Variants in RFX3 observed in about 807,000 individuals in gnomAD.
RFX3 encodes the protein regulatory factor X3, also known as transcription factor RFX3.
Under a neutral mutation model 98.6 loss-of-function variants are expected in RFX3, and 14 were observed. That is an observed-to-expected ratio of 0.14 (90% CI 0.09 to 0.22). RFX3 has a LOEUF of 0.22. Among genes scored for constraint, RFX3 ranks in the 10% least tolerant of loss-of-function variants. RFX3 has a pLI of 1.00. For synonymous variants in RFX3, 383 were observed against 328.4 expected, an observed-to-expected ratio of 1.17 and a Z score of -1.80; for missense variants, 639 against 926.9, an observed-to-expected ratio of 0.69 and a Z score of 4.03.
At chr9:3,251,620 C>T (rs1821413474) in intron 14 of RFX3, among the ~76,000 whole-genome samples, 1 of 152,006 alleles carries the variant, frequency 6.6e-6, no homozygotes, top group African/African-American at 2.4e-5. Flanking sequence ...CAGGTGCAAG[C>T]CACCATGCCT....
Position 3,230,269 on chromosome 9 carries a change from G to A in RFX3, c.1969-1380C>T, listed in dbSNP as rs143429140. ...TGGAACAAATGTGTAGCCTTCCTAGGTGACTGCTTTGAAGGAGACAGGGGC... is the reference window on the plus strand; with the variant it reads ...TGGAACAAATGTGTAGCCTTCCTAGATGACTGCTTTGAAGGAGACAGGGGC... On this transcript the variant is annotated intron_variant, in intron 15 of 16. Coordinates refer to ENST00000617270, the MANE Select transcript of RFX3 (RefSeq NM_001282116.2). 2.7e-3 allele frequency among the ~76,000 whole-genome samples: 409 copies of A among 152,220 alleles called. 3 individuals carry two copies. The highest frequency in any genetic ancestry group is 9.3e-3 in the African/African-American group (388 of 41,532).
intron 2 of RFX3, among the ~76,000 whole-genome samples, chr9:3,370,677 C>T (rs1371538643): frequency 1.3e-5 from 2 of 151,994 alleles, no homozygotes; most frequent in Non-Finnish European, 2.9e-5. Flanking sequence ...GATATCTGTG[C>T]ACTTTACTGT....
intron 2 of RFX3, among the ~76,000 whole-genome samples, chr9:3,393,530 C>A (rs1159212698): frequency 6.6e-6 from 1 of 151,734 alleles, no homozygotes; most frequent in Non-Finnish European, 1.5e-5. Flanking sequence ...TTCAACATTG[C>A]CTTTAAAAAG....
chr9:3,269,959 T>C (rs538453994), intron 11 of RFX3, among the ~76,000 whole-genome samples: 1 of 152,004 alleles, frequency 6.6e-6, no homozygotes, highest in East Asian at 1.9e-4. Context: ...TGTCCTTGGG[T>C]AGAATAATTT....
intron 1 of RFX3, among the ~76,000 whole-genome samples, chr9:3,454,035 G>C (rs1846923301): frequency 2.0e-5 from 3 of 152,080 alleles, no homozygotes; most frequent in Non-Finnish European, 4.4e-5. Flanking sequence ...TATATTAGCT[G>C]TTTAAATGGA....
chr9:3,469,908 C>A (rs1466858407), intron 1 of RFX3, among the ~76,000 whole-genome samples: 2 of 151,878 alleles, frequency 1.3e-5, no homozygotes, highest in Non-Finnish European at 2.9e-5. Context: ...AAAAGGAAGC[C>A]TTTTCGAAGT....
intron 2 of RFX3, among the ~76,000 whole-genome samples, chr9:3,368,768 C>T (rs1837493010): frequency 6.6e-6 from 1 of 152,110 alleles, no homozygotes; most frequent in African/African-American, 2.4e-5. Context: ...CAAAGAATGA[C>T]TCCTAAGTAC....
At chr9:3,312,668 G>A (rs946912654) in intron 4 of RFX3, among the ~76,000 whole-genome samples, 6 of 151,942 alleles carry the variant, frequency 3.9e-5, no homozygotes, top group African/African-American at 4.8e-5. Context: ...CGCAGAAGAC[G>A]GGTGATTTCT....
intron 1 of RFX3, among the ~76,000 whole-genome samples, chr9:3,439,240 T>C (rs369350382): frequency 6.6e-6 from 1 of 152,008 alleles, no homozygotes; most frequent in African/African-American, 2.4e-5. Flanking sequence ...CTTAACTTAA[T>C]AGCCTCTGCT....
chr9:3,250,935 C>A (rs749053682), intron 14 of RFX3, among the ~76,000 whole-genome samples: 1 of 152,176 alleles, frequency 6.6e-6, no homozygotes, highest in Non-Finnish European at 1.5e-5. Flanking sequence ...TCACACACTT[C>A]ATTAAACTAG....
Position 3,358,348 on chromosome 9 carries a change from C to A in RFX3, c.118-11584G>T, listed in dbSNP as rs183990221. Reference sequence around the variant, plus strand: ...ATCTTTAGATCCCATTTGGTTTCAGCCATAAATATGCACAATAAATGTTCA... The same window carrying A: ...ATCTTTAGATCCCATTTGGTTTCAGACATAAATATGCACAATAAATGTTCA... On this transcript the variant is annotated intron_variant, in intron 2 of 16. Transcript: ENST00000617270. 2.0e-5 allele frequency among the ~76,000 whole-genome samples: 3 copies of A among 152,042 alleles called. No individual in the cohort carries two copies. The East Asian group carries it at 5.8e-4, about 29-fold the overall frequency.
At chr9:3,411,304 C>A (rs1220360133) in intron 1 of RFX3, among the ~76,000 whole-genome samples, 2 of 152,128 alleles carry the variant, frequency 1.3e-5, no homozygotes, top group African/African-American at 4.8e-5. Flanking sequence ...AGTCCATCTT[C>A]CTCGCTCTGT....
chr9:3,302,007 C>T (rs1828721493), intron 4 of RFX3, among the ~76,000 whole-genome samples: 1 of 151,796 alleles, frequency 6.6e-6, no homozygotes, highest in African/African-American at 2.4e-5. Context: ...AATATTAGTG[C>T]TATTCTCTCA....
chr9:3,321,082 T>C (rs769166807), intron 4 of RFX3, among the ~76,000 whole-genome samples: 3 of 151,854 alleles, frequency 2.0e-5, no homozygotes, highest in Admixed American at 6.6e-5. Context: ...TTTCTATTTT[T>C]AGTGGAGATG....
intron 4 of RFX3, among the ~76,000 whole-genome samples, chr9:3,316,238 C>T (rs907574284): frequency 9.2e-5 from 14 of 152,064 alleles, no homozygotes; most frequent in Admixed American, 3.9e-4. Flanking sequence ...AATCAATAAA[C>T]GTAATCCAGC....
intron 15 of RFX3, among the ~76,000 whole-genome samples, chr9:3,241,317 C>T (rs1377091624): frequency 6.6e-6 from 1 of 150,966 alleles, no homozygotes; most frequent in African/African-American, 2.4e-5. Flanking sequence ...GTCCTTTGTA[C>T]TTCCTTCCTT....
intron 1 of RFX3, among the ~76,000 whole-genome samples, chr9:3,482,758 CAG>C (rs1297523912): frequency 6.6e-6 from 1 of 151,826 alleles, no homozygotes; most frequent in Non-Finnish European, 1.5e-5. Flanking sequence ...GAAAATGAAA[CAG>C]ATATGTATAA....
At chr9:3,394,202 G>A (rs548759167) in intron 2 of RFX3, among the ~76,000 whole-genome samples, 244 of 152,238 alleles carry the variant, frequency 1.6e-3, no homozygotes, top group Middle Eastern at 6.8e-3. Context: ...AGTAGCTCAT[G>A]CCTGTAATCC....
chr9:3,418,487 C>G (rs1213583221), intron 1 of RFX3, among the ~76,000 whole-genome samples: 1 of 152,032 alleles, frequency 6.6e-6, no homozygotes, highest in African/African-American at 2.4e-5. Context: ...TCAAGCAATT[C>G]TCCTACCTCA....
Sources: gnomAD v4.1 joint callset for allele counts (sites outside exome capture counted in the v4.1 genomes callset) on GRCh38, gnomAD v4.1.1 for gene constraint, MANE v1.5 for transcripts, NCBI Gene and HGNC (gene_info 2026-07-23, HGNC 2026-07-21) for gene names.